Variants in ANTXR2 observed in about 807,000 individuals in gnomAD.
ANTXR2 encodes anthrax toxin receptor 2.
A neutral mutation model predicts 73.7 loss-of-function variants in ANTXR2; 44 were observed. The ratio of observed to expected loss-of-function variants is 0.60; its 90% confidence interval spans 0.47 to 0.77. The LOEUF is 0.77. Ranked by LOEUF, ANTXR2 falls within the 30% of genes least tolerant of loss-of-function variation. The pLI is 0.00. For synonymous variants in ANTXR2, 217 were observed against 205.9 expected (o/e 1.05, Z -0.46); for missense variants, 604 against 592.5 (o/e 1.02, Z -0.20).
intron 10 of ANTXR2, among the ~76,000 whole-genome samples, chr4:80,021,298 T>C (rs1164969493): frequency 2.0e-5 from 3 of 152,146 alleles, no homozygotes; most frequent in Non-Finnish European, 2.9e-5. Context: ...TAAACCTAAT[T>C]GCTCATTCTG....
At chr4:79,947,125 G>T (rs904278473) in intron 16 of ANTXR2, among the ~76,000 whole-genome samples, 1 of 152,148 alleles carries the variant, frequency 6.6e-6, no homozygotes, top group Non-Finnish European at 1.5e-5. Flanking sequence ...ATTAAGATAA[G>T]CTACTCGCAG....
chr4:79,965,091 A>G (rs1560915785), intron 16 of ANTXR2: 1 of 24,466 alleles, frequency 4.1e-5, no homozygotes, highest in Non-Finnish European at 2.0e-4. Context: ...CCTCCGAGCC[A>G]TAAGAGCCAT....
chr4:79,984,096 CAT>C, intron 13 of ANTXR2, 126 bp from the exon 14 acceptor site: 2 of 672,198 alleles, frequency 3.0e-6, no homozygotes, highest in South Asian at 4.2e-5. Flanking sequence ...ATGTATAGAA[CAT>C]GTGGATATAT....
chr4:80,008,386 G>T, intron 12 of ANTXR2, 135 bp downstream of exon 12: 4 of 569,974 alleles, frequency 7.0e-6, no homozygotes, highest in South Asian at 2.7e-5. Flanking sequence ...ATTTATTATA[G>T]TAGTGAAGAC....
chr4:80,029,448 C>T (rs1024818392), intron 10 of ANTXR2, among the ~76,000 whole-genome samples: 12 of 151,862 alleles, frequency 7.9e-5, no homozygotes, highest in African/African-American at 2.4e-5. Context: ...TCTTTCAGAT[C>T]GTTATGTTAA....
chr4:80,001,169 AT>A (rs34952425), intron 12 of ANTXR2, among the ~76,000 whole-genome samples: 72,850 of 151,668 alleles, frequency 0.48, 20,014 homozygotes, highest in East Asian at 0.92. Flanking sequence ...ACCATTGCAA[AT>A]TTTTTTTTAT....
At chr4:80,071,511 G>A (rs930371804) in intron 2 of ANTXR2, 72 bp downstream of exon 2, 6 of 1,332,450 alleles carry the variant, frequency 4.5e-6, no homozygotes, top group Middle Eastern at 1.8e-4. Context: ...CCTATAAAAG[G>A]TTTCAGAAAA....
At chr4:79,925,504 G>A (rs575196126) in intron 16 of ANTXR2, among the ~76,000 whole-genome samples, 9 of 151,892 alleles carry the variant, frequency 5.9e-5, no homozygotes, top group East Asian at 5.8e-4. Flanking sequence ...ACCTTCAATC[G>A]GGAAGGTTAT....
intron 16 of ANTXR2, among the ~76,000 whole-genome samples, chr4:79,977,138 C>T (rs991164251): frequency 6.6e-6 from 1 of 152,092 alleles, no homozygotes; most frequent in African/African-American, 2.4e-5. Flanking sequence ...TTTTATAATG[C>T]TTTATAACTT....
intron 12 of ANTXR2, among the ~76,000 whole-genome samples, chr4:79,995,976 A>C (rs1298619285): frequency 6.6e-6 from 1 of 151,928 alleles, no homozygotes; most frequent in Non-Finnish European, 1.5e-5. Flanking sequence ...ACCACCCTTT[A>C]TTGGTGCTGC....
intron 12 of ANTXR2, among the ~76,000 whole-genome samples, chr4:80,004,503 G>A (rs976623968): frequency 1.3e-5 from 2 of 151,988 alleles, no homozygotes; most frequent in African/African-American, 4.8e-5. Flanking sequence ...AGGCTCTAGG[G>A]ATGGATTTGT....
chr4:80,004,293 A>C (rs868266538), intron 12 of ANTXR2, among the ~76,000 whole-genome samples: 1 of 152,054 alleles, frequency 6.6e-6, no homozygotes, highest in Non-Finnish European at 1.5e-5. Flanking sequence ...TTGTCTGAAA[A>C]CATAAAAATT....
chr4:79,915,200 A>AT (rs1727296954), intron 16 of ANTXR2, among the ~76,000 whole-genome samples: 1 of 152,180 alleles, frequency 6.6e-6, no homozygotes, highest in Non-Finnish European at 1.5e-5. Flanking sequence ...CTGCAGTTAA[A>AT]TAAACCAAGA....
rs1578071686 is a variant in ANTXR2 at position 79,907,329 on chromosome 4, CA to C, written c.*99del. On this transcript the variant is annotated 3_prime_UTR_variant, in exon 17 of 17. Coordinates refer to ENST00000403729, the MANE Select transcript of ANTXR2 (RefSeq NM_058172.6). ...ACTGAGAGGAATTAAGCTGCTCTTCCAAAAGCTTCTGAAATGCACTTGATTT... is the reference window on the plus strand; with the variant it reads ...ACTGAGAGGAATTAAGCTGCTCTTCCAAAGCTTCTGAAATGCACTTGATTT... 11 of 1,331,848 alleles carry C rather than the reference CA, an allele frequency of 8.3e-6. No individual in the cohort carries two copies. In the East Asian group the frequency reaches 2.5e-4, roughly 31 times the overall value. The allele number at this position is 1,331,848 out of a possible 1,614,324, so 82.5% of individuals were successfully genotyped here.
intron 16 of ANTXR2, among the ~76,000 whole-genome samples, chr4:79,960,007 T>C (rs1387959989): frequency 6.6e-6 from 1 of 152,184 alleles, no homozygotes; most frequent in East Asian, 1.9e-4. Context: ...ATCTGTATGC[T>C]ACGTATGTAA....
At chr4:80,050,721 T>C (rs957923256) in intron 7 of ANTXR2, among the ~76,000 whole-genome samples, 2 of 151,706 alleles carry the variant, frequency 1.3e-5, no homozygotes, top group African/African-American at 2.4e-5. Flanking sequence ...GCATTTTGTC[T>C]CCACTATGCT....
chr4:79,988,017 T>C (rs958249053), intron 12 of ANTXR2, among the ~76,000 whole-genome samples: 2 of 151,840 alleles, frequency 1.3e-5, no homozygotes, highest in Non-Finnish European at 2.9e-5. Context: ...CACACTTAAG[T>C]ACATATCACA....
At chr4:80,060,510 T>C (rs1435520479) in intron 3 of ANTXR2, among the ~76,000 whole-genome samples, 1 of 152,196 alleles carries the variant, frequency 6.6e-6, no homozygotes, top group African/African-American at 2.4e-5. Flanking sequence ...TGGGATGGTA[T>C]GGATGAAGAT....
At chr4:79,958,227 T>C (rs990849213) in intron 16 of ANTXR2, among the ~76,000 whole-genome samples, 3 of 152,114 alleles carry the variant, frequency 2.0e-5, no homozygotes, top group Non-Finnish European at 4.4e-5. Flanking sequence ...GGGATTTTAT[T>C]TGAATTTATT....
Sources: gnomAD v4.1 joint callset for allele counts (sites outside exome capture counted in the v4.1 genomes callset) on GRCh38, gnomAD v4.1.1 for gene constraint, MANE v1.5 for transcripts, NCBI Gene and HGNC (gene_info 2026-07-23, HGNC 2026-07-21) for gene names.